NLRC3: variants seen among roughly 807,000 people sequenced by gnomAD.
NLRC3 encodes NLR family CARD domain containing 3, also known as NLR family CARD domain-containing protein 3.
Under a neutral mutation model 91.6 loss-of-function variants are expected in NLRC3, and 87 were observed. The observed-to-expected ratio is 0.95, with a 90% CI of 0.80 to 1.14. NLRC3 has a LOEUF of 1.14. Ranked by LOEUF, NLRC3 falls within the 50% of genes most tolerant of loss-of-function variation. NLRC3 has a pLI of 0.00. For missense variants in NLRC3, 1,577 were observed against 1,418.6 expected (o/e 1.11, Z -1.79); for synonymous variants, 694 against 625.3 (o/e 1.11, Z -1.64).
chr16:3,541,813 C>T lies in NLRC3; in HGVS notation c.*12G>A, dbSNP rs188211588. ...TGAGCATCTGCCCATTCTCCTGATC[C>T]GTCCACCAGGATCACATTTCAACAG... On this transcript the variant is annotated 3_prime_UTR_variant, in exon 20 of 20. Coordinates refer to ENST00000359128, the MANE Select transcript of NLRC3 (RefSeq NM_178844.4). 9.5e-6 allele frequency: 15 copies of T among 1,575,202 alleles called. No homozygotes were observed. The highest frequency in any genetic ancestry group is 4.5e-5 in the East Asian group (2 of 44,640).
chr16:3,548,099 GC>G (rs1463337848), intron 15 of NLRC3, 35 bp downstream of exon 15: 2 of 1,429,944 alleles, frequency 1.4e-6, no homozygotes, highest in South Asian at 1.2e-5. Context: ...GTCCTCAACA[GC>G]CCCCGCCCTG....
intron 1 of NLRC3, among the ~76,000 whole-genome samples, chr16:3,570,668 GAGAA>G (rs1441669935): frequency 6.6e-6 from 1 of 152,178 alleles, no homozygotes; most frequent in African/African-American, 2.4e-5. Context: ...TAGAGAGGGT[GAGAA>G]AGAGTCATGC....
rs192308176 is a variant in NLRC3, at chr16:3,566,169, G to C, written c.-86-789C>G. 3.4e-5 allele frequency among the ~76,000 whole-genome samples: 5 copies of C among 148,034 alleles called. No individual in the cohort carries two copies. In the South Asian group the frequency reaches 1.1e-3, roughly 32 times the overall value. On this transcript the variant is annotated intron_variant, in intron 2 of 19. Transcript: ENST00000359128. ...TACACTATGGACATTGGGTGATGGCGACATGTCCGTGTAGGTTTACTGATT... is the reference window on the plus strand; with the variant it reads ...TACACTATGGACATTGGGTGATGGCCACATGTCCGTGTAGGTTTACTGATT...
intron 1 of NLRC3, among the ~76,000 whole-genome samples, chr16:3,570,389 C>T (rs1033341234): frequency 6.6e-6 from 1 of 152,110 alleles, no homozygotes; most frequent in Non-Finnish European, 1.5e-5. Context: ...TTATGGAGAG[C>T]CTGTTGTATG....
rs75531903 is a variant in NLRC3, at chr16:3,563,719, A to C, written c.1218T>G (p.His406Gln). ...ACACGTATTTCTTCTTGAGCAGCCC[A>C]TGGAAGGCCAGACGGCCCAATGTCC... ...MVGTLGRLAF[H>Q]GLLKKKYVFY... Residue 406 changes from histidine (H) to glutamine (Q), a missense_variant, in exon 5 of 20, where the codon CAT (histidine) becomes CAG (glutamine). By Grantham distance (24) the His-to-Gln change is conservative. Transcript: ENST00000359128. The C allele has an allele frequency of 6.2e-7, 1 of 1,613,586 alleles. No individual in the cohort carries two copies. The highest frequency in any genetic ancestry group is 1.7e-5 in the Admixed American group (1 of 59,988).
chr16:3,570,718 A>C (rs556304802), intron 1 of NLRC3, among the ~76,000 whole-genome samples: 24 of 152,262 alleles, frequency 1.6e-4, no homozygotes, highest in Non-Finnish European at 2.8e-4. Context: ...GGCCAAGGAA[A>C]CAGCAAGTGC....
At chr16:3,543,786 T>C (rs2038538902) in intron 16 of NLRC3, 2 of 466,364 alleles carry the variant, frequency 4.3e-6, no homozygotes, top group South Asian at 5.5e-5. Context: ...CTCTAGGTGT[T>C]TGAGCCCCCA....
intron 2 of NLRC3, 141 bp from the exon 3 acceptor site, chr16:3,565,521 C>T (rs769601791): frequency 2.9e-5 from 10 of 344,618 alleles, no homozygotes; most frequent in East Asian, 7.9e-5. Flanking sequence ...ACTCTGGGGA[C>T]GCTACACTGT....
Position 3,557,595 on chromosome 16 carries a change from C to T in NLRC3, c.2097G>A (p.Leu699=). Residue 699 remains leucine (L), a splice_region_variant and synonymous_variant, in exon 7 of 20, where the codon CTG becomes CTA. Transcript: ENST00000359128. ...SLLVNRSLTS[L]DLRGNSIGPQ... ...CGGCCTTGGTTGTCCTTACTTACTC[C>T]AGAGAGGTCAGACTTCTGTTGACCA... 6 of 1,609,368 alleles carry T rather than the reference C, an allele frequency of 3.7e-6. No homozygotes were observed. Among genetic ancestry groups the T allele is most frequent in the Non-Finnish European group, 5.1e-6 (6 of 1,175,946 alleles).
chr16:3,552,471 A>G (rs2039067693), intron 9 of NLRC3, among the ~76,000 whole-genome samples, 192 bp from the exon 10 acceptor site: 1 of 152,136 alleles, frequency 6.6e-6, no homozygotes, highest in African/African-American at 2.4e-5. Context: ...ATGATGAGGG[A>G]TAGTAAGGGG....
At chr16:3,552,056 T>TC (rs1445977323) in intron 10 of NLRC3, 140 bp downstream of exon 10, 1 of 608,702 alleles carries the variant, frequency 1.6e-6, no homozygotes, top group Non-Finnish European at 3.0e-6. Flanking sequence ...TAGTCACCCA[T>TC]CCATCCATCC....
chr16:3,562,101 CCA>C (rs1169954893), intron 5 of NLRC3, among the ~76,000 whole-genome samples: 1 of 152,218 alleles, frequency 6.6e-6, no homozygotes, highest in Admixed American at 6.5e-5. Flanking sequence ...TCACTAAGGT[CCA>C]GAGTGGCGGG....
rs919017386 is a variant in NLRC3 at position 3,577,196 on chromosome 16, G to C, written c.-216C>G. On this transcript the variant is annotated 5_prime_UTR_variant, in exon 1 of 20. Coordinates refer to ENST00000359128, the MANE Select transcript of NLRC3 (RefSeq NM_178844.4). The stretch of plus-strand genomic sequence containing the variant: ...CAGGGACAGCAAGACTGGGGGGCCT[G>C]GGGGCGTCCATCTCCATGCTCCTGG... 1 of 702,996 alleles carries C rather than the reference G, an allele frequency of 1.4e-6. No homozygotes were observed. Among genetic ancestry groups the C allele is most frequent in the South Asian group, 1.5e-5 (1 of 67,598 alleles). 43.5% of individuals were successfully genotyped at this position (702,996 alleles called of 1,614,324 possible).
Position 3,563,798 on chromosome 16 carries a change from C to T in NLRC3, c.1139G>A (p.Gly380Asp), listed in dbSNP as rs1334923206. The T allele has an allele frequency of 1.2e-6, 2 of 1,611,574 alleles. No homozygotes were observed. Among genetic ancestry groups the T allele is most frequent in the East Asian group, 2.2e-5 (1 of 44,850 alleles). ...CTGCTCGATGCGAGGGCTTGCCTTGCCCTTCTCCTGCCCCTCCCCGCTGAG... is the reference window on the plus strand; with the variant it reads ...CTGCTCGATGCGAGGGCTTGCCTTGTCCTTCTCCTGCCCCTCCCCGCTGAG... ...MALSGEGQEK[G>D]KASPRIEQVA... Residue 380 changes from glycine (G) to aspartate (D), a missense_variant, in exon 5 of 20, where the codon GGC (glycine) becomes GAC (aspartate). Transcript: ENST00000359128.
chr16:3,554,619 C>T (rs1005864077), intron 8 of NLRC3, among the ~76,000 whole-genome samples: 11 of 152,142 alleles, frequency 7.2e-5, no homozygotes, highest in African/African-American at 2.7e-4. Context: ...ACACAGGATC[C>T]AAGTGTTGGT....
chr16:3,563,187 C>T lies in NLRC3; in HGVS notation c.1750G>A (p.Glu584Lys), dbSNP rs771096901. ...LQHTELARSV[E>K]EAMESGALAR... The stretch of plus-strand genomic sequence containing the variant: ...AGGGCCCCGCTCTCCATGGCCTCCT[C>T]CACGCTGCGGGCCAGCTCGGTGTGC... The change falls in exon 5 of 20, where the codon GAG (glutamate) becomes AAG (lysine). Residue 584 changes from glutamate (E) to lysine (K), a missense_variant. Physicochemically the swap from Glu to Lys is moderately conservative, Grantham distance 56. Coordinates refer to ENST00000359128, the MANE Select transcript of NLRC3 (RefSeq NM_178844.4). 1 of 1,594,426 alleles carries T rather than the reference C, an allele frequency of 6.3e-7. No individual in the cohort carries two copies. The highest frequency in any genetic ancestry group is 1.1e-5 in the South Asian group (1 of 88,216).
At chr16:3,565,783 C>T (rs1485827234) in intron 2 of NLRC3, among the ~76,000 whole-genome samples, 1 of 134,118 alleles carries the variant, frequency 7.5e-6, no homozygotes, top group Non-Finnish European at 1.5e-5. Context: ...TGACTCACAC[C>T]TTTAATCCCA....
At position 3,561,799 on chromosome 16, in the gene NLRC3, G is replaced by T; in HGVS notation, c.1929-11C>A. ...TGGTTGGTGTCCAGCCTGGCCAAGG[G>T]GAGCAGTGACAGTGAGTGTCCCACC... is the stretch of plus-strand genomic sequence containing the variant. On this transcript the variant is annotated splice_polypyrimidine_tract_variant and intron_variant, in intron 5 of 19. Coordinates refer to ENST00000359128, the MANE Select transcript of NLRC3 (RefSeq NM_178844.4). 1 of 1,609,474 alleles carries T rather than the reference G, an allele frequency of 6.2e-7. No homozygotes were observed. Among genetic ancestry groups the T allele is most frequent in the Non-Finnish European group, 8.5e-7 (1 of 1,176,244 alleles).
chr16:3,552,219 C>T lies in NLRC3; in HGVS notation c.2328G>A (p.Gln776=). The change falls in exon 10 of 20, where the codon CAG becomes CAA. Residue 776 remains glutamine (Q), a synonymous_variant. Transcript: ENST00000359128. ...ACATGAGCTCTTTCAGACTCCTGTT[C>T]TGCTTCAAGGCATCTGCCATCCGCT... ...GAQRMADALK[Q]NRSLKELMFS... The T allele has an allele frequency of 6.2e-7, 1 of 1,611,892 alleles. No individual in the cohort carries two copies. The highest frequency in any genetic ancestry group is 8.5e-7 in the Non-Finnish European group (1 of 1,177,968).
Sources: gnomAD v4.1 joint callset for allele counts (sites outside exome capture counted in the v4.1 genomes callset) on GRCh38, gnomAD v4.1.1 for gene constraint, MANE v1.5 for transcripts, NCBI Gene and HGNC (gene_info 2026-07-23, HGNC 2026-07-21) for gene names.